CFAP54: variants seen among roughly 807,000 people sequenced by gnomAD.
CFAP54 encodes cilia- and flagella-associated protein 54.
A neutral mutation model predicts 370.4 loss-of-function variants in CFAP54; 290 were observed. The observed-to-expected ratio is 0.78, with a 90% confidence interval of 0.71 to 0.86. The LOEUF (loss-of-function observed/expected upper bound fraction) is 0.86, where lower values mean the gene tolerates loss of function less well. CFAP54 is among the 40% of genes least tolerant of loss of function. CFAP54 has a pLI of 0.00. For missense variants in CFAP54, 3,399 were observed against 3,528.7 expected (o/e 0.96, Z 0.93); for synonymous variants, 1,206 against 1,236.5 (o/e 0.98, Z 0.52).
chr12:96,744,000 A>C lies in CFAP54; in HGVS notation c.7558-20A>C, dbSNP rs1171628517. On this transcript the variant is annotated intron_variant, in intron 54 of 67. Coordinates refer to ENST00000524981, the MANE Select transcript of CFAP54 (RefSeq NM_001306084.2). ...ACCACGTCAACTAATTGCTCATTACAATATTTGTTTTTTTAATAGATGCTA... is the reference window on the plus strand; with the variant it reads ...ACCACGTCAACTAATTGCTCATTACCATATTTGTTTTTTTAATAGATGCTA... The C allele has an allele frequency of 6.2e-7, 1 of 1,605,754 alleles. No individual in the cohort carries two copies. The highest frequency in any genetic ancestry group is 8.5e-7 in the Non-Finnish European group (1 of 1,177,576).
intron 60 of CFAP54, among the ~76,000 whole-genome samples, chr12:96,778,870 G>T (rs754787062): frequency 6.6e-6 from 1 of 152,104 alleles, no homozygotes; most frequent in African/African-American, 2.4e-5. Context: ...CACATTGGGA[G>T]TCTGAGGTGG....
At chr12:96,771,689 A>G (rs1460615333) in intron 60 of CFAP54, among the ~76,000 whole-genome samples, 1 of 152,132 alleles carries the variant, frequency 6.6e-6, no homozygotes, top group East Asian at 1.9e-4. Context: ...CAACAAAAAA[A>G]AACCCCACTT....
At chr12:96,603,404 C>G (rs1471418022) in intron 26 of CFAP54, among the ~76,000 whole-genome samples, 2 of 152,156 alleles carry the variant, frequency 1.3e-5, no homozygotes, top group African/African-American at 2.4e-5. Context: ...TCCTTCATTT[C>G]AACTTTAGTG....
At chr12:96,531,275 T>C (rs1955438291) in intron 9 of CFAP54, among the ~76,000 whole-genome samples, 1 of 152,156 alleles carries the variant, frequency 6.6e-6, no homozygotes, top group African/African-American at 2.4e-5. Flanking sequence ...TAATCTTGTA[T>C]ATATAGTGTT....
chr12:96,566,037 C>T (rs1276099797), intron 19 of CFAP54, among the ~76,000 whole-genome samples: 1 of 152,162 alleles, frequency 6.6e-6, no homozygotes, highest in African/African-American at 2.4e-5. Context: ...CTCCTGCTGA[C>T]ATGTGAAGAG....
intron 60 of CFAP54, among the ~76,000 whole-genome samples, chr12:96,772,506 A>C (rs1368589792): frequency 6.6e-6 from 1 of 152,102 alleles, no homozygotes; most frequent in East Asian, 1.9e-4. Flanking sequence ...CTGCATATAC[A>C]GACCCTGTGA....
chr12:96,545,720 A>G (rs1273937167), intron 14 of CFAP54, among the ~76,000 whole-genome samples: 2 of 152,194 alleles, frequency 1.3e-5, no homozygotes, highest in Non-Finnish European at 2.9e-5. Flanking sequence ...ATGGGTTTCT[A>G]AAGGTTATTA....
chr12:96,752,343 T>A (rs1471630985), intron 55 of CFAP54, among the ~76,000 whole-genome samples: 1 of 152,178 alleles, frequency 6.6e-6, no homozygotes, highest in Non-Finnish European at 1.5e-5. Context: ...TAAAGACATG[T>A]AATACCCAAT....
chr12:96,856,295 A>G (rs1959702289), intron 66 of CFAP54, among the ~76,000 whole-genome samples: 1 of 152,202 alleles, frequency 6.6e-6, no homozygotes, highest in Non-Finnish European at 1.5e-5. Context: ...CTTGGTGATT[A>G]ACATTTGGCT....
At chr12:96,670,928 T>C (rs1957138154) in intron 39 of CFAP54, among the ~76,000 whole-genome samples, 1 of 152,230 alleles carries the variant, frequency 6.6e-6, no homozygotes, top group South Asian at 2.1e-4. Context: ...CTTTATGTTG[T>C]TATGTACCTC....
At position 96,791,281 on chromosome 12, in the gene CFAP54, T is replaced by C. The variant is rs1372004914; in HGVS notation, c.8680-1048T>C. Among the ~76,000 whole-genome samples, 4 of 151,986 alleles carry C rather than the reference T, an allele frequency of 2.6e-5. No homozygotes were observed. The East Asian group carries it at 7.8e-4, about 29-fold the overall frequency. On this transcript the variant is annotated intron_variant, in intron 62 of 67. Coordinates refer to ENST00000524981, the MANE Select transcript of CFAP54 (RefSeq NM_001306084.2). Reference sequence around the variant, plus strand: ...CTCACTGCAACCTCAGAAGGTCCTTTTTTTAGACTTGAAATATTGTTTTTA... The same window carrying C: ...CTCACTGCAACCTCAGAAGGTCCTTCTTTTAGACTTGAAATATTGTTTTTA...
At chr12:96,638,800 TA>T (rs1956691357) in intron 32 of CFAP54, among the ~76,000 whole-genome samples, 1 of 152,222 alleles carries the variant, frequency 6.6e-6, no homozygotes, top group South Asian at 2.1e-4. Context: ...TTGTTCTGGC[TA>T]GGCCCATCAA....
chr12:96,757,639 T>C (rs1403863030), intron 58 of CFAP54, 51 bp downstream of exon 58: 4 of 1,095,096 alleles, frequency 3.7e-6, no homozygotes, highest in African/African-American at 3.1e-5. Context: ...TTGAGCTTGC[T>C]ATTTTGGTAA....
chr12:96,568,446 G>T (rs1239139280), intron 19 of CFAP54, among the ~76,000 whole-genome samples: 1 of 151,952 alleles, frequency 6.6e-6, no homozygotes, highest in Non-Finnish European at 1.5e-5. Flanking sequence ...CTATAGCCAT[G>T]TCTGCTCCTC....
At chr12:96,824,148 G>A (rs905957007) in intron 65 of CFAP54, among the ~76,000 whole-genome samples, 5 of 152,254 alleles carry the variant, frequency 3.3e-5, no homozygotes, top group African/African-American at 7.2e-5. Flanking sequence ...TGCAGCATGC[G>A]TGCATCCAAC....
intron 20 of CFAP54, among the ~76,000 whole-genome samples, chr12:96,578,202 A>G (rs886778920): frequency 7.9e-5 from 12 of 152,216 alleles, no homozygotes; most frequent in African/African-American, 2.7e-4. Context: ...AAAGATAAAT[A>G]TGGATTAAAT....
In CFAP54 at chr12:96,765,480, C is replaced by A. The variant is rs78745114; in HGVS notation, c.8281+262C>A. 2.0e-5 allele frequency among the ~76,000 whole-genome samples: 3 copies of A among 152,240 alleles called. No homozygotes were observed. In the East Asian group the frequency reaches 5.8e-4, roughly 29 times the overall value. ...TGATATTTTACATCTGTTTCTTTTCCAGTTCACACATATCAAATGGGACCT... is the reference window on the plus strand; with the variant it reads ...TGATATTTTACATCTGTTTCTTTTCAAGTTCACACATATCAAATGGGACCT... On this transcript the variant is annotated intron_variant, in intron 60 of 67. Coordinates refer to ENST00000524981, the MANE Select transcript of CFAP54 (RefSeq NM_001306084.2).
rs756212924 is a variant in CFAP54 at position 96,594,453 on chromosome 12, G to A, written c.3516+7G>A. The A allele has an allele frequency of 6.0e-6, 9 of 1,494,906 alleles. No homozygotes were observed. The South Asian group carries it at 7.7e-5, about 13-fold the overall frequency. The allele number at this position is 1,494,906 out of a possible 1,614,324, so 92.6% of individuals were successfully genotyped here. A position where few individuals can be genotyped will look rare whatever the true frequency, so the allele number is the denominator to read the frequency against. On this transcript the variant is annotated splice_region_variant and intron_variant, in intron 25 of 67. Coordinates refer to ENST00000524981, the MANE Select transcript of CFAP54 (RefSeq NM_001306084.2). ...TTTGGTACCTGTTGTACAGGTAAGG[G>A]TATTCCTCTCCCCAAGAGAAGGGAA... is the stretch of plus-strand genomic sequence containing the variant.
At chr12:96,628,610 C>A (rs1275216758) in intron 30 of CFAP54, among the ~76,000 whole-genome samples, 1 of 152,184 alleles carries the variant, frequency 6.6e-6, no homozygotes, top group African/African-American at 2.4e-5. Flanking sequence ...GGTCATTGAT[C>A]AAAGGCTTCT....
Sources: gnomAD v4.1 joint callset for allele counts (sites outside exome capture counted in the v4.1 genomes callset) on GRCh38, gnomAD v4.1.1 for gene constraint, MANE v1.5 for transcripts, NCBI Gene and HGNC (gene_info 2026-07-23, HGNC 2026-07-21) for gene names.